Variants in GRM8 observed in about 807,000 individuals in gnomAD.
GRM8 encodes metabotropic glutamate receptor 8.
Under a neutral mutation model 87.2 loss-of-function variants are expected in GRM8, and 47 were observed. The observed-to-expected ratio is 0.54, with a 90% confidence interval of 0.43 to 0.69. The LOEUF (loss-of-function observed/expected upper bound fraction) is 0.69, where lower values mean the gene tolerates loss of function less well. Among genes scored for constraint, GRM8 ranks in the 30% least tolerant of loss-of-function variants. The pLI, the probability that GRM8 is intolerant of heterozygous loss-of-function variation, is 0.00. For synonymous variants in GRM8, 396 were observed against 404.5 expected (o/e 0.98, Z 0.25); for missense variants, 1,019 against 1,139.2 (o/e 0.89, Z 1.52).
At chr7:127,246,166 A>AAAT (rs1378055335) in intron 1 of GRM8, among the ~76,000 whole-genome samples, 1 of 152,234 alleles carries the variant, frequency 6.6e-6, no homozygotes, top group East Asian at 1.9e-4. Flanking sequence ...ACCTAAGGAA[A>AAAT]AATATATTTG....
intron 7 of GRM8, among the ~76,000 whole-genome samples, chr7:126,752,306 TA>T (rs201157365): frequency 2.0e-5 from 3 of 150,596 alleles, no homozygotes; most frequent in Admixed American, 6.6e-5. Context: ...ACCAAGTCTC[TA>T]AAAAAAAATG....
chr7:126,904,648 G>A lies in GRM8; in HGVS notation c.763C>T (p.Arg255Cys), dbSNP rs753732184. ...VCIAQSQKIP[R>C]EPRPGEFEKI... ...TCAAATTCTCCAGGTCTTGGTTCAC[G>A]TGGGATTTTCTGTGACTGAGCAATG... Residue 255 changes from arginine (R) to cysteine (C), a missense_variant, in exon 4 of 11, where the codon CGT (arginine) becomes TGT (cysteine). Transcript: ENST00000339582. 1.5e-5 allele frequency: 24 copies of A among 1,613,298 alleles called. No individual in the cohort carries two copies. The East Asian group carries it at 1.8e-4, about 12-fold the overall frequency.
chr7:126,807,598 C>G lies in GRM8; in HGVS notation c.1157-37533G>C, dbSNP rs370174911. Reference sequence around the variant, plus strand: ...GCCTCTTCCCCCTTCATTATATTATCTCTCCTGCCACTCTTCCATCATCTC... The same window carrying G: ...GCCTCTTCCCCCTTCATTATATTATGTCTCCTGCCACTCTTCCATCATCTC... On this transcript the variant is annotated intron_variant, in intron 6 of 10. Coordinates refer to ENST00000339582, the MANE Select transcript of GRM8 (RefSeq NM_000845.3). 4.6e-5 allele frequency among the ~76,000 whole-genome samples: 7 copies of G among 152,166 alleles called. No individual in the cohort carries two copies. The East Asian group carries it at 1.2e-3, about 25-fold the overall frequency.
intron 6 of GRM8, among the ~76,000 whole-genome samples, chr7:126,849,441 G>A (rs1797005128): frequency 6.6e-6 from 1 of 152,108 alleles, no homozygotes; most frequent in Admixed American, 6.5e-5. Context: ...AAGCAGAGGA[G>A]TTCATAGCTT....
chr7:126,850,576 G>A (rs560542735), intron 6 of GRM8, among the ~76,000 whole-genome samples: 4 of 152,172 alleles, frequency 2.6e-5, no homozygotes, highest in Non-Finnish European at 4.4e-5. Flanking sequence ...ATTTTGGAGA[G>A]AGTCCAAGGA....
intron 6 of GRM8, among the ~76,000 whole-genome samples, chr7:126,883,566 T>C (rs1220017057): frequency 6.6e-6 from 1 of 152,184 alleles, no homozygotes; most frequent in Non-Finnish European, 1.5e-5. Context: ...TCTATAAAAA[T>C]AGCTATTGTT....
intron 8 of GRM8, among the ~76,000 whole-genome samples, chr7:126,592,012 G>A (rs2151045261): frequency 6.6e-6 from 1 of 151,606 alleles, no homozygotes; most frequent in Non-Finnish European, 1.5e-5. Flanking sequence ...AAAAAAATGG[G>A]TAAATTCCTT....
At chr7:127,229,948 G>C (rs1409310624) in intron 2 of GRM8, 1 of 152,134 alleles carries the variant, frequency 6.6e-6, no homozygotes, top group Non-Finnish European at 1.5e-5. Context: ...GCAATTAATT[G>C]TGTATCTACA....
chr7:127,137,049 C>T (rs1198386854), intron 2 of GRM8, among the ~76,000 whole-genome samples: 2 of 152,172 alleles, frequency 1.3e-5, no homozygotes, highest in African/African-American at 2.4e-5. Flanking sequence ...ATAGGTTTTA[C>T]GGTCATTCAG....
At chr7:126,631,163 T>C (rs1563034106) in intron 7 of GRM8, among the ~76,000 whole-genome samples, 1 of 152,104 alleles carries the variant, frequency 6.6e-6, no homozygotes, top group Non-Finnish European at 1.5e-5. Context: ...AAGATTCTTA[T>C]GTTGATAAAC....
At chr7:126,833,739 CAACA>C in intron 6 of GRM8, among the ~76,000 whole-genome samples, 1 of 152,244 alleles carries the variant, frequency 6.6e-6, no homozygotes, top group African/African-American at 2.4e-5. Flanking sequence ...ATTATGGCTT[CAACA>C]AACAAATTTG....
chr7:126,923,341 C>G (rs1195037557), intron 3 of GRM8, among the ~76,000 whole-genome samples: 1 of 152,156 alleles, frequency 6.6e-6, no homozygotes, highest in Non-Finnish European at 1.5e-5. Flanking sequence ...TCATGTAAGT[C>G]AACACTAACC....
At position 126,516,472 on chromosome 7, in the gene GRM8, A is replaced by AT. The variant is rs202199825; in HGVS notation, c.2430+16479dup. On this transcript the variant is annotated intron_variant, in intron 9 of 10. Transcript: ENST00000339582. Reference sequence around the variant, plus strand: ...ATGGTTTCAAATAGAAGCAGAAGGTATTTTTTTTCAGAATTTTAAATGACT... The same window carrying AT: ...ATGGTTTCAAATAGAAGCAGAAGGTATTTTTTTTTCAGAATTTTAAATGACT... Among the ~76,000 whole-genome samples, 409 of 151,902 alleles carry AT rather than the reference A, an allele frequency of 2.7e-3. 3 individuals are homozygous for AT. Among genetic ancestry groups the AT allele is most frequent in the African/African-American group, 9.2e-3 (381 of 41,488 alleles).
rs10262861 is a variant in GRM8, at chr7:127,056,314, T to C, written c.727+50182A>G. ...TAAAAGTAAGTAAGTAGTCCAAAAC[T>C]AACCTTAAAGAAGCAGGAGATCACA... On this transcript the variant is annotated intron_variant, in intron 3 of 10. Coordinates refer to ENST00000339582, the MANE Select transcript of GRM8 (RefSeq NM_000845.3). Among the ~76,000 whole-genome samples the C allele has an allele frequency of 9.0e-3, 1,377 of 152,222 alleles. 21 individuals are homozygous for C. The highest frequency in any genetic ancestry group is 0.03 in the African/African-American group (1,264 of 41,526).
intron 9 of GRM8, among the ~76,000 whole-genome samples, chr7:126,453,845 G>C (rs558531414): frequency 6.6e-6 from 1 of 151,780 alleles, no homozygotes; most frequent in Non-Finnish European, 1.5e-5. Context: ...GTAAACTGAT[G>C]TTGCATTTTC....
At chr7:126,538,408 TC>T (rs986897528) in intron 8 of GRM8, among the ~76,000 whole-genome samples, 1 of 152,034 alleles carries the variant, frequency 6.6e-6, no homozygotes, top group Admixed American at 6.6e-5. Context: ...ACAAGTAAAA[TC>T]CCCATTATAA....
chr7:127,233,483 A>G (rs1411537896), intron 2 of GRM8, among the ~76,000 whole-genome samples: 1 of 152,206 alleles, frequency 6.6e-6, no homozygotes, highest in Non-Finnish European at 1.5e-5. Context: ...AAAACTAACA[A>G]ATAAAATTGC....
At chr7:127,168,477 T>A (rs528968887) in intron 2 of GRM8, among the ~76,000 whole-genome samples, 1 of 152,268 alleles carries the variant, frequency 6.6e-6, no homozygotes, top group East Asian at 1.9e-4. Flanking sequence ...AGAAATACCA[T>A]TTGACCCAGC....
At chr7:126,557,686 A>G (rs1218536863) in intron 8 of GRM8, among the ~76,000 whole-genome samples, 1 of 152,202 alleles carries the variant, frequency 6.6e-6, no homozygotes, top group East Asian at 1.9e-4. Flanking sequence ...CTTTTTATTC[A>G]TTCATTGTCA....
Sources: allele counts gnomAD v4.1 joint callset (sites outside exome capture counted in the v4.1 genomes callset), GRCh38; gene constraint gnomAD v4.1.1; transcripts MANE v1.5; gene names NCBI Gene and HGNC (gene_info 2026-07-23, HGNC 2026-07-21).